Variants in IFTAP observed in about 807,000 individuals in gnomAD.
The protein encoded by IFTAP is intraflagellar transport associated protein.
In IFTAP, 19 loss-of-function variants were observed where a neutral mutation model predicts 19.4. The ratio of observed to expected loss-of-function variants is 0.98; its 90% CI spans 0.68 to 1.44. The LOEUF (loss-of-function observed/expected upper bound fraction) is 1.44. Ranked by LOEUF, IFTAP falls within the 40% of genes most tolerant of loss-of-function variation. The pLI, the probability that IFTAP is intolerant of heterozygous loss-of-function variation, is 0.00. For missense variants in IFTAP, 240 were observed against 253.6 expected, an observed-to-expected ratio of 0.95 and a Z score of 0.36; for synonymous variants, 85 against 83.5, an observed-to-expected ratio of 1.02 and a Z score of -0.10.
intron 5 of IFTAP, among the ~76,000 whole-genome samples, chr11:36,650,759 A>T (rs958681055): frequency 6.6e-6 from 1 of 151,530 alleles, no homozygotes; most frequent in Non-Finnish European, 1.5e-5. Context: ...CCTGTGTCCA[A>T]GTGTTCTCAT....
chr11:36,647,867 C>A, intron 4 of IFTAP, 149 bp from the exon 5 acceptor site: 1 of 845,656 alleles, frequency 1.2e-6, no homozygotes, highest in Non-Finnish European at 1.8e-6. Flanking sequence ...CCCTTGAGTC[C>A]AGTTCCCAAA....
intron 1 of IFTAP, among the ~76,000 whole-genome samples, chr11:36,597,031 C>T (rs1851296043): frequency 6.6e-6 from 1 of 152,148 alleles, no homozygotes; most frequent in Non-Finnish European, 1.5e-5. Flanking sequence ...GCCCTAAAAA[C>T]AGTGGTAAAG....
intron 4 of IFTAP, among the ~76,000 whole-genome samples, chr11:36,637,661 A>G (rs12293987): frequency 0.15 from 23,350 of 152,032 alleles, 2,560 homozygotes; most frequent in African/African-American, 0.31. Flanking sequence ...CGACACCCCC[A>G]ATGATTCTAA....
At chr11:36,626,361 T>C (rs1405029669) in intron 2 of IFTAP, among the ~76,000 whole-genome samples, 4 of 151,252 alleles carry the variant, frequency 2.6e-5, no homozygotes, top group Non-Finnish European at 5.9e-5. Context: ...TGAGTAAAAA[T>C]TTTAAGGGAC....
chr11:36,620,711 A>C (rs1353923182), intron 2 of IFTAP, among the ~76,000 whole-genome samples: 1 of 151,908 alleles, frequency 6.6e-6, no homozygotes, highest in African/African-American at 2.4e-5. Context: ...ATAATCATTA[A>C]ATTTATTTTT....
At chr11:36,623,327 G>T (rs1436845199) in intron 2 of IFTAP, among the ~76,000 whole-genome samples, 1 of 151,498 alleles carries the variant, frequency 6.6e-6, no homozygotes, top group Non-Finnish European at 1.5e-5. Flanking sequence ...TTATGAATAA[G>T]GTCTGTAGCT....
intron 1 of IFTAP, among the ~76,000 whole-genome samples, chr11:36,601,005 G>C (rs144791317): frequency 7.2e-5 from 11 of 152,294 alleles, no homozygotes; most frequent in African/African-American, 2.6e-4. Context: ...ATGGGTTGGA[G>C]GGAGGCAGAG....
At chr11:36,628,959 T>A (rs1852625534) in intron 2 of IFTAP, among the ~76,000 whole-genome samples, 1 of 151,354 alleles carries the variant, frequency 6.6e-6, no homozygotes, top group Non-Finnish European at 1.5e-5. Context: ...ATGAGGAACA[T>A]AAAACAGTTG....
rs150079422 is a variant in IFTAP, at chr11:36,633,164, G to A, written c.137-120G>A. On this transcript the variant is annotated intron_variant, in intron 2 of 5. Coordinates refer to ENST00000334307, the MANE Select transcript of IFTAP (RefSeq NM_138787.4). ...GAGTGCTTAATGCCTCAAGGGTTCG[G>A]TTTGTAGAGTTCTTTGAAAAGTATT... 8.3e-4 allele frequency: 783 copies of A among 941,286 alleles called. 26 individuals carry two copies. In the African/African-American group the frequency reaches 0.012, roughly 14 times the overall value. 58.3% of individuals were successfully genotyped at this position (941,286 alleles called of 1,614,324 possible).
intron 1 of IFTAP, among the ~76,000 whole-genome samples, chr11:36,606,135 T>G (rs1478469338): frequency 6.6e-6 from 1 of 152,218 alleles, no homozygotes; most frequent in Non-Finnish European, 1.5e-5. Flanking sequence ...AATGACAGTT[T>G]GTGAAACTGC....
intron 1 of IFTAP, among the ~76,000 whole-genome samples, chr11:36,600,676 C>T (rs1438025460): frequency 6.6e-6 from 1 of 152,238 alleles, no homozygotes; most frequent in Non-Finnish European, 1.5e-5. Flanking sequence ...ACATGCCTTA[C>T]ATTCTTCCCA....
At chr11:36,626,023 A>G (rs1186678406) in intron 2 of IFTAP, among the ~76,000 whole-genome samples, 1 of 149,504 alleles carries the variant, frequency 6.7e-6, no homozygotes, top group African/African-American at 2.6e-5. Context: ...GTTAGAGGGC[A>G]TGGAGGTAGG....
intron 5 of IFTAP, among the ~76,000 whole-genome samples, chr11:36,657,492 G>A (rs115179046): frequency 2.2e-4 from 33 of 152,250 alleles, no homozygotes; most frequent in African/African-American, 7.7e-4. Flanking sequence ...TTTTCTAATG[G>A]TAGGCTGTGA....
rs60638752 is a variant in IFTAP, at chr11:36,624,079, C to T, written c.137-9205C>T. On this transcript the variant is annotated intron_variant, in intron 2 of 5. Transcript: ENST00000334307. ...AAGAAGATGCATGTAGGTATTCTCCCTAGATTGAGGATTAGAAACTTCGTT... is the reference window on the plus strand; with the variant it reads ...AAGAAGATGCATGTAGGTATTCTCCTTAGATTGAGGATTAGAAACTTCGTT... Among the ~76,000 whole-genome samples, 948 of 152,054 alleles carry T rather than the reference C, an allele frequency of 6.2e-3. 10 individuals carry two copies. Among genetic ancestry groups the T allele is most frequent in the African/African-American group, 0.022 (919 of 41,484 alleles).
At chr11:36,636,140 A>G (rs772208281) in intron 4 of IFTAP, 23 bp downstream of exon 4, 37 of 1,557,172 alleles carry the variant, frequency 2.4e-5, no homozygotes, top group Non-Finnish European at 3.3e-5. Context: ...TTTCCTTTCT[A>G]TACTACCTGA....
At chr11:36,637,392 A>C (rs1425216848) in intron 4 of IFTAP, among the ~76,000 whole-genome samples, 1 of 152,200 alleles carries the variant, frequency 6.6e-6, no homozygotes, top group Admixed American at 6.5e-5. Flanking sequence ...CACATCCTCC[A>C]GGGAGAGGTT....
At chr11:36,643,963 A>G (rs1172835405) in intron 4 of IFTAP, among the ~76,000 whole-genome samples, 1 of 152,258 alleles carries the variant, frequency 6.6e-6, no homozygotes, top group African/African-American at 2.4e-5. Flanking sequence ...CTAAAACACC[A>G]AAAACAATGG....
rs142415396 is a variant in IFTAP at position 36,624,727 on chromosome 11, G to A, written c.137-8557G>A. Among the ~76,000 whole-genome samples, 260 of 152,226 alleles carry A rather than the reference G, an allele frequency of 1.7e-3. 3 individuals carry two copies. The highest frequency in any genetic ancestry group is 5.9e-3 in the African/African-American group (246 of 41,552). On this transcript the variant is annotated intron_variant, in intron 2 of 5. Transcript: ENST00000334307. ...TCTTTTTCCTTTTCTTCATCCTATT[G>A]CTTGGAACAAGGGTGTGGGGGGGTG...
At chr11:36,628,981 A>C (rs1482230456) in intron 2 of IFTAP, among the ~76,000 whole-genome samples, 1 of 151,428 alleles carries the variant, frequency 6.6e-6, no homozygotes, top group Non-Finnish European at 1.5e-5. Flanking sequence ...AATTCAGAGC[A>C]CTGCAAAGGG....
Sources: gnomAD v4.1 joint callset for allele counts (sites outside exome capture counted in the v4.1 genomes callset) on GRCh38, gnomAD v4.1.1 for gene constraint, MANE v1.5 for transcripts, NCBI Gene and HGNC (gene_info 2026-07-23, HGNC 2026-07-21) for gene names.